The following FAM83B variants were observed in gnomAD, a reference collection of about 807,000 sequenced individuals.
FAM83B encodes the protein protein FAM83B.
Under a neutral mutation model 38.8 loss-of-function variants are expected in FAM83B, and 26 were observed. The observed-to-expected ratio is 0.67, with a 90% CI of 0.49 to 0.93. FAM83B has a LOEUF of 0.93. Among genes scored for constraint, FAM83B ranks in the 40% least tolerant of loss-of-function variants. The pLI, the probability that FAM83B is intolerant of heterozygous loss-of-function variation, is 0.00. For synonymous variants in FAM83B, 419 were observed against 423.1 expected, an observed-to-expected ratio of 0.99 and a Z score of 0.12; for missense variants, 1,237 against 1,197.3, an observed-to-expected ratio of 1.03 and a Z score of -0.49.
intron 2 of FAM83B, among the ~76,000 whole-genome samples, chr6:54,907,245 GATT>G (rs1772794244): frequency 6.6e-6 from 1 of 151,982 alleles, no homozygotes; most frequent in East Asian, 1.9e-4. Context: ...TTTAATTAAA[GATT>G]ATTCTTATTG....
intron 2 of FAM83B, among the ~76,000 whole-genome samples, chr6:54,913,308 T>C (rs2127585122): frequency 6.6e-6 from 1 of 152,270 alleles, no homozygotes; most frequent in Non-Finnish European, 1.5e-5. Context: ...CTTCAAGTTA[T>C]ATTGTCACCA....
intron 2 of FAM83B, among the ~76,000 whole-genome samples, chr6:54,890,788 A>T (rs924451339): frequency 6.6e-6 from 1 of 152,074 alleles, no homozygotes; most frequent in Non-Finnish European, 1.5e-5. Context: ...CACATTTATC[A>T]TGTGCATTAA....
At chr6:54,847,672 G>T (rs1324070352) in intron 1 of FAM83B, among the ~76,000 whole-genome samples, 1 of 152,152 alleles carries the variant, frequency 6.6e-6, no homozygotes, top group Non-Finnish European at 1.5e-5. Flanking sequence ...GAGAATGCCT[G>T]TGTTCATTGC....
intron 2 of FAM83B, among the ~76,000 whole-genome samples, chr6:54,892,722 A>G (rs6459035): frequency 0.43 from 63,446 of 149,028 alleles, 14,866 homozygotes; most frequent in East Asian, 0.83. Context: ...TTGTATATAT[A>G]TTTATATTTT....
intron 2 of FAM83B, among the ~76,000 whole-genome samples, chr6:54,882,958 T>G (rs1272017360): frequency 2.0e-5 from 3 of 152,182 alleles, no homozygotes; most frequent in Admixed American, 6.5e-5. Context: ...TATTTATTTA[T>G]TTTGAGATGG....
At chr6:54,849,834 A>T (rs1771230519) in intron 1 of FAM83B, among the ~76,000 whole-genome samples, 1 of 151,930 alleles carries the variant, frequency 6.6e-6, no homozygotes. Flanking sequence ...TGGGAAACTT[A>T]AATTAGTCAT....
At chr6:54,847,063 T>C (rs559297613) in intron 1 of FAM83B, among the ~76,000 whole-genome samples, 1 of 152,062 alleles carries the variant, frequency 6.6e-6, no homozygotes, top group African/African-American at 2.4e-5. Flanking sequence ...GTCGTGGGGG[T>C]TCGAGTGAGT....
At chr6:54,920,921 G>A (rs1011446089) in intron 2 of FAM83B, among the ~76,000 whole-genome samples, 2 of 151,840 alleles carry the variant, frequency 1.3e-5, no homozygotes, top group African/African-American at 2.4e-5. Context: ...ATGTAATAAT[G>A]AATCATATTT....
intron 2 of FAM83B, among the ~76,000 whole-genome samples, chr6:54,910,207 C>T (rs1199254614): frequency 1.3e-5 from 2 of 152,240 alleles, no homozygotes; most frequent in East Asian, 1.9e-4. Context: ...CAGATGGATT[C>T]TATCCAACAA....
intron 4 of FAM83B, among the ~76,000 whole-genome samples, chr6:54,933,340 G>C (rs1773463375): frequency 6.6e-6 from 1 of 151,064 alleles, no homozygotes; most frequent in African/African-American, 2.4e-5. Flanking sequence ...CATTCCATTG[G>C]TATGTCATTT....
intron 2 of FAM83B, among the ~76,000 whole-genome samples, chr6:54,907,217 C>T (rs1046046028): frequency 4.7e-4 from 72 of 152,186 alleles, no homozygotes; most frequent in African/African-American, 6.5e-4. Flanking sequence ...CTATTATCTA[C>T]ATTAGTCTTA....
rs746599717 is a variant in FAM83B, at chr6:54,944,743, G to A, written c.*2736G>A. ...TTCTGCCTTATGCCTGTGGCTAAGG[G>A]ATGCAAAGTAGAATTGCTTTACATT... On this transcript the variant is annotated 3_prime_UTR_variant, in exon 5 of 5. Coordinates refer to ENST00000306858, the MANE Select transcript of FAM83B (RefSeq NM_001010872.3). 2.0e-5 allele frequency: 3 copies of A among 152,124 alleles called. No individual in the cohort carries two copies. The highest frequency in any genetic ancestry group is 7.2e-5 in the African/African-American group (3 of 41,426). 9.4% of individuals were successfully genotyped at this position (152,124 alleles called of 1,614,324 possible).
chr6:54,892,443 C>T (rs1772427403), intron 2 of FAM83B, among the ~76,000 whole-genome samples: 1 of 151,948 alleles, frequency 6.6e-6, no homozygotes, highest in Admixed American at 6.6e-5. Flanking sequence ...CTCCAATAGG[C>T]CCCAGTGTCT....
chr6:54,882,997 G>A (rs1221713861), intron 2 of FAM83B, among the ~76,000 whole-genome samples: 1 of 152,114 alleles, frequency 6.6e-6, no homozygotes, highest in East Asian at 1.9e-4. Context: ...AGGCCGGAGT[G>A]CAGTGGCGCG....
At chr6:54,860,043 T>TTC (rs1041073202) in intron 1 of FAM83B, among the ~76,000 whole-genome samples, 23 of 150,606 alleles carry the variant, frequency 1.5e-4, no homozygotes, top group African/African-American at 5.6e-4. Flanking sequence ...ACCACCCTCA[T>TTC]TGTGTGTGTG....
chr6:54,900,739 T>G (rs547293184), intron 2 of FAM83B, among the ~76,000 whole-genome samples: 1 of 152,238 alleles, frequency 6.6e-6, no homozygotes, highest in South Asian at 2.1e-4. Context: ...ACTCTATAGC[T>G]TGCAGCTAAA....
chr6:54,924,024 C>T (rs72645372), intron 2 of FAM83B, among the ~76,000 whole-genome samples: 46,729 of 151,704 alleles, frequency 0.31, 8,818 homozygotes, highest in East Asian at 0.8. Context: ...AAAGACATAC[C>T]GTTATTTCTC....
chr6:54,934,319 T>C (rs1248784912), intron 4 of FAM83B, among the ~76,000 whole-genome samples: 12 of 152,214 alleles, frequency 7.9e-5, no homozygotes, highest in Non-Finnish European at 1.8e-4. Flanking sequence ...GTTATGTGTT[T>C]ATATTTAAGA....
At chr6:54,866,481 C>A (rs73437785) in intron 1 of FAM83B, among the ~76,000 whole-genome samples, 14,905 of 152,096 alleles carry the variant, frequency 0.098, 842 homozygotes, top group African/African-American at 0.15. Context: ...ACATCTACCT[C>A]TCCGACTGTC....
Sources: allele counts gnomAD v4.1 joint callset (sites outside exome capture counted in the v4.1 genomes callset), GRCh38; gene constraint gnomAD v4.1.1; transcripts MANE v1.5; gene names NCBI Gene and HGNC (gene_info 2026-07-23, HGNC 2026-07-21).